The following PARP11 variants were observed in gnomAD, a reference collection of about 807,000 sequenced individuals.
PARP11 encodes the protein protein mono-ADP-ribosyltransferase PARP11.
In PARP11, 31 loss-of-function variants were observed where a neutral mutation model predicts 42.9. The observed-to-expected ratio is 0.72, with a 90% CI of 0.54 to 0.98. The LOEUF (loss-of-function observed/expected upper bound fraction) is 0.98. Among genes scored for constraint, PARP11 ranks in the 50% least tolerant of loss-of-function variants. The pLI, the probability that PARP11 is intolerant of heterozygous loss-of-function variation, is 0.00. For missense variants in PARP11, 365 were observed against 413.1 expected (o/e 0.88, Z 1.01); for synonymous variants, 137 against 127.3 (o/e 1.08, Z -0.51).
chr12:3,859,562 A>T (rs76401487), intron 1 of PARP11, among the ~76,000 whole-genome samples: 1 of 125,676 alleles, frequency 8.0e-6, no homozygotes, highest in Admixed American at 8.8e-5. Flanking sequence ...ACTCTGCTAA[A>T]AAAAAAAAAA....
chr12:3,862,352 C>T (rs1948308747), intron 1 of PARP11, among the ~76,000 whole-genome samples: 1 of 152,060 alleles, frequency 6.6e-6, no homozygotes, highest in Non-Finnish European at 1.5e-5. Context: ...ACTTGGGAGA[C>T]AGGCAAGAGG....
chr12:3,842,009 C>G, intron 1 of PARP11: 3 of 1,611,092 alleles, frequency 1.9e-6, no homozygotes, highest in East Asian at 2.2e-5. Flanking sequence ...ACACGAAAGG[C>G]AGATATGGCA....
chr12:3,814,503 C>T (rs1342188723), intron 6 of PARP11, among the ~76,000 whole-genome samples: 1 of 152,036 alleles, frequency 6.6e-6, no homozygotes, highest in African/African-American at 2.4e-5. Flanking sequence ...TTTATAGATG[C>T]CTAAAAATGA....
At position 3,840,796 on chromosome 12, in the gene PARP11, G is replaced by A; in HGVS notation, c.19-10778C>T. ...GGAGAATATTACTGATGATAAATATGCAACAGTTTCATCACCATCAAAGTC... is the reference window on the plus strand; with the variant it reads ...GGAGAATATTACTGATGATAAATATACAACAGTTTCATCACCATCAAAGTC... On this transcript the variant is annotated intron_variant, in intron 1 of 7. Coordinates refer to ENST00000228820, the MANE Select transcript of PARP11 (RefSeq NM_020367.6). This position sits in a 1 kb window ranked among gnomAD's most constrained non-coding sequence, Gnocchi z 4.4. The A allele has an allele frequency of 6.3e-7, 1 of 1,583,380 alleles. No individual in the cohort carries two copies. Among genetic ancestry groups the A allele is most frequent in the Non-Finnish European group, 8.7e-7 (1 of 1,152,082 alleles).
intron 1 of PARP11, among the ~76,000 whole-genome samples, chr12:3,857,087 T>A (rs1230278989): frequency 8.1e-6 from 1 of 123,208 alleles, no homozygotes; most frequent in East Asian, 2.3e-4. Context: ...TGAAAACACC[T>A]GGACACAGGG....
Position 3,840,740 on chromosome 12 carries a change from A to G in PARP11, c.19-10722T>C, listed in dbSNP as rs1947868839. On this transcript the variant is annotated intron_variant, in intron 1 of 7. Coordinates refer to ENST00000228820, the MANE Select transcript of PARP11 (RefSeq NM_020367.6). The surrounding 1 kb of genome is among the most constrained non-coding windows in gnomAD (Gnocchi z 4.4). The stretch of plus-strand genomic sequence containing the variant: ...AGACAAAGACTCTATTCATGGACAT[A>G]GTTGGATAAAAGACCCGAACCAAGC... 1.5e-6 allele frequency: 2 copies of G among 1,320,126 alleles called. No individual in the cohort carries two copies. Among genetic ancestry groups the G allele is most frequent in the Non-Finnish European group, 2.2e-6 (2 of 911,626 alleles). The allele number at this position is 1,320,126 out of a possible 1,614,324, so 81.8% of individuals were successfully genotyped here. A position where few individuals can be genotyped will look rare whatever the true frequency, so the allele number is the denominator to read the frequency against.
chr12:3,842,108 A>G, intron 1 of PARP11: 1 of 1,610,958 alleles, frequency 6.2e-7, no homozygotes, highest in Non-Finnish European at 8.5e-7. Flanking sequence ...TGCCTGTTGA[A>G]CTTGAACCTA....
intron 6 of PARP11, among the ~76,000 whole-genome samples, chr12:3,818,952 G>A (rs1397772213): frequency 2.0e-5 from 3 of 151,762 alleles, no homozygotes; most frequent in Non-Finnish European, 2.9e-5. Context: ...ATGTACATAC[G>A]CTCCCTGGTC....
At chr12:3,832,874 G>A (rs1248587652) in intron 1 of PARP11, among the ~76,000 whole-genome samples, 1 of 152,188 alleles carries the variant, frequency 6.6e-6, no homozygotes, top group Non-Finnish European at 1.5e-5. Context: ...GAAAAAGCTA[G>A]TACAAAGCGG....
intron 1 of PARP11, among the ~76,000 whole-genome samples, chr12:3,866,408 C>T (rs755417203): frequency 3.3e-4 from 50 of 152,064 alleles, no homozygotes; most frequent in African/African-American, 8.5e-4. Context: ...CTTCAAAAGA[C>T]GGTCCTCAGG....
rs1190741472 is a variant in PARP11, at chr12:3,811,223, T to C, written c.*900A>G. The C allele has an allele frequency of 6.6e-6, 1 of 152,238 alleles. No individual in the cohort carries two copies. Among genetic ancestry groups the C allele is most frequent in the African/African-American group, 2.4e-5 (1 of 41,464 alleles). The allele number at this position is 152,238 out of a possible 1,614,324, so 9.4% of individuals were successfully genotyped here. On this transcript the variant is annotated 3_prime_UTR_variant, in exon 8 of 8. Coordinates refer to ENST00000228820, the MANE Select transcript of PARP11 (RefSeq NM_020367.6). ...GAAATATGAATTTTAGAAATCATTG[T>C]TGAATAGCTGTGTGTGCTGCAGAGG...
chr12:3,832,116 A>T, intron 1 of PARP11: 2 of 978,160 alleles, frequency 2.0e-6, no homozygotes, highest in Non-Finnish European at 2.4e-6. Context: ...CACCTTACCT[A>T]AGACTTCGCT....
At chr12:3,854,513 C>T (rs186816459) in intron 1 of PARP11, among the ~76,000 whole-genome samples, 14 of 152,220 alleles carry the variant, frequency 9.2e-5, no homozygotes, top group East Asian at 3.9e-4. Context: ...AACACCTCTA[C>T]GCAAATAAAC....
chr12:3,819,983 A>G (rs1308536877), intron 6 of PARP11, among the ~76,000 whole-genome samples: 2 of 152,122 alleles, frequency 1.3e-5, no homozygotes, highest in African/African-American at 4.8e-5. Flanking sequence ...CCCTTCTCCT[A>G]TCCAACTGGT....
At chr12:3,814,791 A>AAT (rs3082900) in intron 6 of PARP11, among the ~76,000 whole-genome samples, 76,099 of 151,926 alleles carry the variant, frequency 0.5, 21,234 homozygotes, top group East Asian at 0.74. Context: ...CAGAGAAATG[A>AAT]ATATAGTCAT....
intron 1 of PARP11, among the ~76,000 whole-genome samples, chr12:3,864,998 A>G (rs1179069532): frequency 6.6e-6 from 1 of 152,112 alleles, no homozygotes; most frequent in Admixed American, 6.6e-5. Flanking sequence ...TTCTTTTCCA[A>G]TACAGCCATT....
At chr12:3,839,684 C>T (rs1477957228) in intron 1 of PARP11, 1 of 990,408 alleles carries the variant, frequency 1.0e-6, no homozygotes, top group Non-Finnish European at 1.6e-6. Context: ...GTTTCTCCTT[C>T]ACAAGTAACT....
chr12:3,826,813 T>A (rs1043194572), intron 3 of PARP11, among the ~76,000 whole-genome samples: 1 of 152,238 alleles, frequency 6.6e-6, no homozygotes, highest in Non-Finnish European at 1.5e-5. Context: ...AGAGACTAAG[T>A]ACTTAAAGGT....
At position 3,839,721 on chromosome 12, in the gene PARP11, ACT is replaced by A. The variant is rs557282573; in HGVS notation, c.19-9705_19-9704del. The A allele has an allele frequency of 5.5e-3, 5,868 of 1,075,000 alleles. 21 individuals are homozygous for A. The highest frequency in any genetic ancestry group is 7.1e-3 in the Non-Finnish European group (4,886 of 687,730). 66.6% of individuals were successfully genotyped at this position (1,075,000 alleles called of 1,614,324 possible). On this transcript the variant is annotated intron_variant, in intron 1 of 7. Transcript: ENST00000228820. ...AAAATAATTTTCCTGAAAAGGTGTT[ACT>A]GTGTTTTTCAAATGGAAATCATTAT...
Sources: gnomAD v4.1 joint callset for allele counts (sites outside exome capture counted in the v4.1 genomes callset) on GRCh38, gnomAD v4.1.1 for gene constraint, Gnocchi (gnomAD v3.1) non-coding constraint, MANE v1.5 for transcripts, NCBI Gene and HGNC (gene_info 2026-07-23, HGNC 2026-07-21) for gene names.